The following DISP3 variants were observed in gnomAD, a reference collection of about 807,000 sequenced individuals.
The protein encoded by DISP3 is protein dispatched homolog 3.
In DISP3, 101 loss-of-function variants were observed where a neutral mutation model predicts 135.3. The observed-to-expected ratio is 0.75, with a 90% CI of 0.64 to 0.88. The LOEUF (loss-of-function observed/expected upper bound fraction) is 0.88. DISP3 is among the 40% of genes least tolerant of loss of function. The pLI, the probability that DISP3 is intolerant of heterozygous loss-of-function variation, is 0.00. For synonymous variants in DISP3, 856 were observed against 817.0 expected, an observed-to-expected ratio of 1.05 and a Z score of -0.81; for missense variants, 1,713 against 1,878.6, an observed-to-expected ratio of 0.91 and a Z score of 1.63.
intron 1 of DISP3, among the ~76,000 whole-genome samples, chr1:11,496,485 G>A (rs1641337572): frequency 6.6e-6 from 1 of 152,110 alleles, no homozygotes; most frequent in African/African-American, 2.4e-5. Context: ...CCACCCCCAT[G>A]GCCACAGTCC....
chr1:11,531,387 C>G lies in DISP3; in HGVS notation c.3230-178C>G, dbSNP rs1398585757. Among the ~76,000 whole-genome samples, 1 of 152,112 alleles carries G rather than the reference C, an allele frequency of 6.6e-6. No individual in the cohort carries two copies. The highest frequency in any genetic ancestry group is 1.5e-5 in the Non-Finnish European group (1 of 68,010). On this transcript the variant is annotated intron_variant, in intron 16 of 20. Coordinates refer to ENST00000294484, the MANE Select transcript of DISP3 (RefSeq NM_020780.2). The surrounding 1 kb of genome is among the most constrained non-coding windows in gnomAD (Gnocchi z 5.2). The stretch of plus-strand genomic sequence containing the variant: ...CCACCGGGGTGTCCCTGGGAGGGGC[C>G]CACAGGTCATGTTCCACCCCGATGG...
intron 10 of DISP3, among the ~76,000 whole-genome samples, chr1:11,522,595 GACCCAGCCAGA>G (rs202221939): frequency 0.014 from 1,708 of 126,444 alleles, 155 homozygotes; most frequent in East Asian, 0.043. Flanking sequence ...ACCCAGCCAG[GACCCAGCCAGA>G]GCCCAGCCAG....
At chr1:11,496,280 C>T (rs775528757) in intron 1 of DISP3, among the ~76,000 whole-genome samples, 3 of 152,126 alleles carry the variant, frequency 2.0e-5, no homozygotes, top group South Asian at 2.1e-4. Flanking sequence ...TGGTTGGTTT[C>T]GTGGATATGC....
chr1:11,536,297 G>A lies in DISP3; in HGVS notation c.3817-27G>A, dbSNP rs749468424. ...CCAGAGGGGTCCCGCAGGCAGGCTG[G>A]GCTCCCAGCTCTCCTCTTGCCCCCA... On this transcript the variant is annotated intron_variant, in intron 20 of 20. Transcript: ENST00000294484. This position sits in a 1 kb window ranked among gnomAD's most constrained non-coding sequence, Gnocchi z 4.3. 2 of 1,582,524 alleles carry A rather than the reference G, an allele frequency of 1.3e-6. No homozygotes were observed. Among genetic ancestry groups the A allele is most frequent in the African/African-American group, 1.3e-5 (1 of 74,706 alleles).
rs371535544 is a variant in DISP3, at chr1:11,490,503, G to A, written c.-3-10487G>A. Among the ~76,000 whole-genome samples the A allele has an allele frequency of 1.5e-4, 23 of 152,232 alleles. No homozygotes were observed. The East Asian group carries it at 1.5e-3, about 10-fold the overall frequency. ...AGGCTGATATCAAACTCCTGACCTCGGGTGATCTGCCCGCGTTGGCCTCCC... is the reference window on the plus strand; with the variant it reads ...AGGCTGATATCAAACTCCTGACCTCAGGTGATCTGCCCGCGTTGGCCTCCC... On this transcript the variant is annotated intron_variant, in intron 1 of 20. Transcript: ENST00000294484.
intron 1 of DISP3, among the ~76,000 whole-genome samples, chr1:11,492,464 A>T (rs1247348642): frequency 6.6e-6 from 1 of 152,178 alleles, no homozygotes; most frequent in African/African-American, 2.4e-5. Context: ...GAGGCCAGTC[A>T]TCCTTCATCC....
At position 11,536,243 on chromosome 1, in the gene DISP3, G is replaced by A. The variant is rs1052325888; in HGVS notation, c.3817-81G>A. ...TAACAGAGCAGGAACCTGGCGTGGGGTGGGGGTGCGTGATTCCCCAGGTGC... is the reference window on the plus strand; with the variant it reads ...TAACAGAGCAGGAACCTGGCGTGGGATGGGGGTGCGTGATTCCCCAGGTGC... On this transcript the variant is annotated intron_variant, in intron 20 of 20. Coordinates refer to ENST00000294484, the MANE Select transcript of DISP3 (RefSeq NM_020780.2). The surrounding 1 kb of genome is among the most constrained non-coding windows in gnomAD (Gnocchi z 4.3). The A allele has an allele frequency of 2.0e-5, 30 of 1,509,672 alleles. No homozygotes were observed. The Admixed American group carries it at 2.8e-4, about 14-fold the overall frequency. The allele number at this position is 1,509,672 out of a possible 1,614,324, so 93.5% of individuals were successfully genotyped here. A position where few individuals can be genotyped will look rare whatever the true frequency, so the allele number is the denominator to read the frequency against.
rs182648606 is a variant in DISP3, at chr1:11,499,117, G to A, written c.-3-1873G>A. Among the ~76,000 whole-genome samples, 4 of 152,234 alleles carry A rather than the reference G, an allele frequency of 2.6e-5. No individual in the cohort carries two copies. The highest frequency in any genetic ancestry group is 2.1e-4 in the South Asian group (1 of 4,824). On this transcript the variant is annotated intron_variant, in intron 1 of 20. Coordinates refer to ENST00000294484, the MANE Select transcript of DISP3 (RefSeq NM_020780.2). The surrounding 1 kb of genome is among the most constrained non-coding windows in gnomAD (Gnocchi z 5.2). ...AATTCAATGTGGACCCCTAGGGGAC[G>A]GGGATGGCATTCCTGGTGGAATAGC...
chr1:11,532,218 C>T (rs1392998350), intron 17 of DISP3, among the ~76,000 whole-genome samples: 8 of 152,240 alleles, frequency 5.3e-5, no homozygotes. Context: ...TGCACACACT[C>T]CTGACCTGGG....
chr1:11,535,778 A>G, intron 20 of DISP3, 134 bp downstream of exon 20: 1 of 1,203,116 alleles, frequency 8.3e-7, no homozygotes, highest in South Asian at 1.6e-5. Flanking sequence ...TCTAGAAACT[A>G]AGGTTTCCCA....
intron 17 of DISP3, among the ~76,000 whole-genome samples, chr1:11,532,159 G>T (rs1380450819): frequency 6.6e-6 from 1 of 152,152 alleles, no homozygotes. Context: ...ACGCTCGCTG[G>T]GCTCTGCCCA....
intron 19 of DISP3, 72 bp downstream of exon 19, chr1:11,535,196 G>A: frequency 7.1e-7 from 1 of 1,415,256 alleles, no homozygotes; most frequent in Non-Finnish European, 9.7e-7. Context: ...GGTGGCCCCA[G>A]GTAGCCTCCA....
At position 11,501,710 on chromosome 1, in the gene DISP3, G is replaced by A; in HGVS notation, c.718G>A (p.Ala240Thr). 6.3e-7 allele frequency: 1 copy of A among 1,598,742 alleles called. No individual in the cohort carries two copies. The highest frequency in any genetic ancestry group is 8.5e-7 in the Non-Finnish European group (1 of 1,172,880). Residue 240 changes from alanine (A) to threonine (T), a missense_variant, in exon 2 of 21, where the codon GCG becomes ACG. Coordinates refer to ENST00000294484, the MANE Select transcript of DISP3 (RefSeq NM_020780.2). The surrounding 1 kb of genome is among the most constrained non-coding windows in gnomAD (Gnocchi z 4.9). ...GTACCAGCCCAGCATCCCGCCCCAC[G>A]CGGCAGTCGCGGCCAATCAGAGCCG... The part of the protein sequence containing the change: ...GRYQPSIPPH[A>T]AVAANQSRAR...
intron 13 of DISP3, among the ~76,000 whole-genome samples, chr1:11,527,497 G>A (rs1235069293): frequency 2.6e-5 from 4 of 151,330 alleles, no homozygotes; most frequent in Non-Finnish European, 4.4e-5. Context: ...GCAGTGAGCC[G>A]AGATCGCGCC....
At chr1:11,522,629 G>GA (rs1642243729) in intron 10 of DISP3, among the ~76,000 whole-genome samples, 1 of 25,744 alleles carries the variant, frequency 3.9e-5, no homozygotes, top group Non-Finnish European at 8.9e-5. Flanking sequence ...CCCAGCCAGA[G>GA]CCCAGCCAGA....
chr1:11,492,186 G>A (rs1641207432), intron 1 of DISP3, among the ~76,000 whole-genome samples: 1 of 151,368 alleles, frequency 6.6e-6, no homozygotes, highest in South Asian at 2.1e-4. Context: ...CAGCAGGGGA[G>A]CAGTATCACC....
Position 11,529,493 on chromosome 1 carries a change from C to G in DISP3, c.2799-63C>G. On this transcript the variant is annotated intron_variant, in intron 13 of 20. Coordinates refer to ENST00000294484, the MANE Select transcript of DISP3 (RefSeq NM_020780.2). This position sits in a 1 kb window ranked among gnomAD's most constrained non-coding sequence, Gnocchi z 4.7. ...CCCAGTCCCAACCCTGGCCTGCTGG[C>G]CTCACCTCCCCTGACTCCTCCTAGC... 6.6e-7 allele frequency: 1 copy of G among 1,508,898 alleles called. No individual in the cohort carries two copies. The highest frequency in any genetic ancestry group is 8.9e-7 in the Non-Finnish European group (1 of 1,124,056). The allele number at this position is 1,508,898 out of a possible 1,614,324, so 93.5% of individuals were successfully genotyped here. A position where few individuals can be genotyped will look rare whatever the true frequency, so the allele number is the denominator to read the frequency against.
Position 11,483,197 on chromosome 1 carries a change from C to T in DISP3, c.-4+3825C>T, listed in dbSNP as rs530277009. On this transcript the variant is annotated intron_variant, in intron 1 of 20. Coordinates refer to ENST00000294484, the MANE Select transcript of DISP3 (RefSeq NM_020780.2). This position sits in a 1 kb window ranked among gnomAD's most constrained non-coding sequence, Gnocchi z 5.4. ...CACTCTGCACCAGCTGGAAGGTACACGGGCGGGAGGATTGAGAGGAATATG... is the reference window on the plus strand; with the variant it reads ...CACTCTGCACCAGCTGGAAGGTACATGGGCGGGAGGATTGAGAGGAATATG... Among the ~76,000 whole-genome samples, 7 of 152,316 alleles carry T rather than the reference C, an allele frequency of 4.6e-5. No homozygotes were observed. The highest frequency in any genetic ancestry group is 2.1e-4 in the South Asian group (1 of 4,828).
At chr1:11,496,618 G>A (rs1411727445) in intron 1 of DISP3, among the ~76,000 whole-genome samples, 4 of 152,216 alleles carry the variant, frequency 2.6e-5, no homozygotes, top group Non-Finnish European at 5.9e-5. Flanking sequence ...ATTTGAGGAA[G>A]GAAAACAAAT....
Sources: gnomAD v4.1 joint callset for allele counts (sites outside exome capture counted in the v4.1 genomes callset) on GRCh38, gnomAD v4.1.1 for gene constraint, Gnocchi (gnomAD v3.1) non-coding constraint, MANE v1.5 for transcripts, NCBI Gene and HGNC (gene_info 2026-07-23, HGNC 2026-07-21) for gene names.